CALD1: variants seen among roughly 807,000 people sequenced by gnomAD.
CALD1 encodes caldesmon.
Under a neutral mutation model 99.9 loss-of-function variants are expected in CALD1, and 33 were observed. That is an observed-to-expected ratio of 0.33 (90% CI 0.25 to 0.44). CALD1 has a LOEUF of 0.44. Ranked by LOEUF, CALD1 falls within the 20% of genes least tolerant of loss-of-function variation. The probability of loss-of-function intolerance (pLI) is 1.00; values close to 1 mark genes in which losing one functional copy is unlikely to be tolerated. For missense variants in CALD1, 861 were observed against 962.1 expected (o/e 0.89, Z 1.39); for synonymous variants, 310 against 325.0 (o/e 0.95, Z 0.50).
the CALD1 span, among the ~76,000 whole-genome samples, chr7:134,720,995 G>A: frequency 1.3e-5 from 2 of 152,294 alleles, no homozygotes; most frequent in Non-Finnish European, 2.9e-5. Flanking sequence ...TGGTGATTTG[G>A]TGTTTGCCAT....
At chr7:134,907,512 T>C (rs1201458047) in intron 3 of CALD1, among the ~76,000 whole-genome samples, 3 of 152,178 alleles carry the variant, frequency 2.0e-5, no homozygotes, top group African/African-American at 7.2e-5. Context: ...CCAACCCTTC[T>C]TAAAAGTAAG....
At chr7:134,912,141 G>A (rs1362913906) in intron 3 of CALD1, among the ~76,000 whole-genome samples, 1 of 152,174 alleles carries the variant, frequency 6.6e-6, no homozygotes, top group Non-Finnish European at 1.5e-5. Flanking sequence ...TATGCTTTCT[G>A]GCACGAGCAC....
intron 7 of CALD1, among the ~76,000 whole-genome samples, chr7:134,945,746 T>C (rs1226094904): frequency 6.6e-6 from 1 of 152,192 alleles, no homozygotes; most frequent in African/African-American, 2.4e-5. Flanking sequence ...AGTATTCCAG[T>C]TGTATTGGGG....
chr7:134,803,643 T>C (rs1798028303), intron 1 of CALD1, among the ~76,000 whole-genome samples: 1 of 152,092 alleles, frequency 6.6e-6, no homozygotes. Context: ...TCTTTATGAA[T>C]TGTATTGACT....
the CALD1 span, among the ~76,000 whole-genome samples, chr7:134,713,163 C>T: frequency 9.2e-5 from 14 of 152,340 alleles, no homozygotes; most frequent in African/African-American, 3.4e-4. Context: ...ATAATCCTCT[C>T]TCTCACTTTT....
intron 2 of CALD1, among the ~76,000 whole-genome samples, chr7:134,865,103 T>C (rs1800745113): frequency 6.6e-6 from 1 of 152,046 alleles, no homozygotes. Flanking sequence ...CTGAAAAGAA[T>C]TCAGCACTGA....
chr7:134,953,656 G>GTGTT, intron 9 of CALD1, among the ~76,000 whole-genome samples: 1 of 117,980 alleles, frequency 8.5e-6, no homozygotes, highest in African/African-American at 3.2e-5. Context: ...TTCTACTGTG[G>GTGTT]TTTTTTTTTT....
intron 3 of CALD1, among the ~76,000 whole-genome samples, chr7:134,872,196 A>C (rs1282708608): frequency 6.6e-6 from 1 of 152,050 alleles, no homozygotes; most frequent in Non-Finnish European, 1.5e-5. Context: ...GTCTGTACTA[A>C]AAATACAAAA....
At chr7:134,812,840 G>T (rs75999721) in intron 1 of CALD1, among the ~76,000 whole-genome samples, 3,298 of 152,216 alleles carry the variant, frequency 0.022, 96 homozygotes, top group African/African-American at 0.065. Flanking sequence ...GCATTTGCAT[G>T]GTATTTAATG....
At chr7:134,735,894 C>G in the CALD1 span, among the ~76,000 whole-genome samples, 1 of 152,036 alleles carries the variant, frequency 6.6e-6, no homozygotes, top group Non-Finnish European at 1.5e-5. Context: ...GCAGAAATAC[C>G]TTGGGGACAT....
At chr7:134,955,813 AT>A in intron 9 of CALD1, among the ~76,000 whole-genome samples, 1 of 152,262 alleles carries the variant, frequency 6.6e-6, no homozygotes, top group South Asian at 2.1e-4. Flanking sequence ...TTAGTATTCA[AT>A]TTTATATAGA....
rs565088169 is a variant in CALD1 at position 134,821,424 on chromosome 7, A to T, written c.-129-22460A>T. On this transcript the variant is annotated intron_variant, in intron 1 of 14. Coordinates refer to ENST00000361675, the MANE Select transcript of CALD1 (RefSeq NM_033138.4). ...TTTCTAAATATTAGACTACATTTAT[A>T]AAACTATTTCTACCTATCCATCTAT... Among the ~76,000 whole-genome samples the T allele has an allele frequency of 5.3e-5, 8 of 152,288 alleles. No individual in the cohort carries two copies. In the South Asian group the frequency reaches 1.0e-3, roughly 20 times the overall value.
chr7:134,944,973 T>G (rs1029586678), intron 7 of CALD1, among the ~76,000 whole-genome samples: 1 of 152,212 alleles, frequency 6.6e-6, no homozygotes, highest in Admixed American at 6.5e-5. Flanking sequence ...ACAGTAAATT[T>G]ATTAAAGAAA....
chr7:134,938,665 G>A (rs866311843), intron 6 of CALD1, among the ~76,000 whole-genome samples: 6 of 152,058 alleles, frequency 3.9e-5, no homozygotes, highest in South Asian at 2.1e-4. Flanking sequence ...AAGGCTCTAC[G>A]GAATTACTTT....
the CALD1 span, among the ~76,000 whole-genome samples, chr7:134,721,382 C>G: frequency 5.3e-5 from 8 of 150,556 alleles, no homozygotes; most frequent in Non-Finnish European, 7.4e-5. Context: ...GTCCTGCCAG[C>G]CTTGGAATTC....
At chr7:134,958,424 T>A (rs562199323) in intron 11 of CALD1, 134 bp downstream of exon 11, 8 of 715,114 alleles carry the variant, frequency 1.1e-5, no homozygotes, top group Non-Finnish European at 1.8e-5. Context: ...TTTTTTTTTT[T>A]TTTTGAGACG....
intron 3 of CALD1, among the ~76,000 whole-genome samples, chr7:134,919,037 G>A (rs1273577633): frequency 1.3e-5 from 2 of 152,150 alleles, no homozygotes; most frequent in Admixed American, 1.3e-4. Context: ...AAACAAAGTA[G>A]TCATGTACCA....
the CALD1 span, among the ~76,000 whole-genome samples, chr7:134,721,329 CAAAA>C: frequency 8.1e-6 from 1 of 123,732 alleles, no homozygotes; most frequent in Non-Finnish European, 1.8e-5. Flanking sequence ...AAGTCATCTG[CAAAA>C]AAAAAAAAAA....
chr7:134,954,353 A>G (rs1807604512), intron 9 of CALD1, among the ~76,000 whole-genome samples: 1 of 152,178 alleles, frequency 6.6e-6, no homozygotes, highest in Non-Finnish European at 1.5e-5. Context: ...TCTAAAACGA[A>G]TGGTGTGCTT....
Sources: gnomAD v4.1 joint callset for allele counts (sites outside exome capture counted in the v4.1 genomes callset) on GRCh38, gnomAD v4.1.1 for gene constraint, MANE v1.5 for transcripts, NCBI Gene and HGNC (gene_info 2026-07-23, HGNC 2026-07-21) for gene names.